The following DLGAP2 variants were observed in gnomAD, a reference collection of about 807,000 sequenced individuals.
DLGAP2 encodes DLG associated protein 2.
A neutral mutation model predicts 100.3 loss-of-function variants in DLGAP2; 26 were observed. That is an observed-to-expected ratio of 0.26 (90% CI 0.19 to 0.36). DLGAP2 has a LOEUF of 0.36. Among genes scored for constraint, DLGAP2 ranks in the 10% least tolerant of loss-of-function variants. The pLI, the probability that DLGAP2 is intolerant of heterozygous loss-of-function variation, is 1.00. For synonymous variants in DLGAP2, 886 were observed against 630.1 expected (o/e 1.41, Z -6.08); for missense variants, 1,858 against 1,453.2 (o/e 1.28, Z -4.53).
intron 4 of DLGAP2, among the ~76,000 whole-genome samples, chr8:1,516,751 CTGAG>C (rs1179692468): frequency 6.7e-6 from 1 of 150,336 alleles, no homozygotes; most frequent in Non-Finnish European, 1.5e-5. Flanking sequence ...GAGTGGGTGA[CTGAG>C]TGAAAGAGTA....
At chr8:997,308 T>C (rs1031109670) in intron 2 of DLGAP2, among the ~76,000 whole-genome samples, 3 of 152,228 alleles carry the variant, frequency 2.0e-5, no homozygotes, top group African/African-American at 7.2e-5. Flanking sequence ...AAATATTACA[T>C]TCAAAAATGC....
intron 4 of DLGAP2, among the ~76,000 whole-genome samples, chr8:1,513,744 G>T (rs570580084): frequency 2.6e-5 from 4 of 152,142 alleles, no homozygotes; most frequent in African/African-American, 9.7e-5. Flanking sequence ...TTATAGATGT[G>T]TAAGTTACAA....
chr8:1,456,209 C>T (rs75753342), intron 3 of DLGAP2, among the ~76,000 whole-genome samples: 2,716 of 152,246 alleles, frequency 0.018, 81 homozygotes, highest in African/African-American at 0.061. Context: ...GCAAACAGGA[C>T]GCCCTAGTCT....
intron 1 of DLGAP2, chr8:740,480 C>G (rs1000005990): frequency 4.6e-5 from 7 of 152,172 alleles, no homozygotes; most frequent in African/African-American, 1.7e-4. Context: ...GACATACATG[C>G]CCTTCTGTGG....
chr8:1,464,448 C>A (rs1798562607), intron 3 of DLGAP2, among the ~76,000 whole-genome samples: 2 of 149,132 alleles, frequency 1.3e-5, no homozygotes, highest in South Asian at 4.3e-4. Flanking sequence ...CAGCTGAGCT[C>A]CCAGGCAGTA....
intron 1 of DLGAP2, among the ~76,000 whole-genome samples, chr8:794,912 G>A (rs1795992868): frequency 6.6e-6 from 1 of 152,210 alleles, no homozygotes; most frequent in African/African-American, 2.4e-5. Flanking sequence ...GGTGGCGTGA[G>A]TGAGGTTGGG....
chr8:1,530,589 T>C (rs1800957155), intron 4 of DLGAP2, among the ~76,000 whole-genome samples: 1 of 152,164 alleles, frequency 6.6e-6, no homozygotes, highest in African/African-American at 2.4e-5. Flanking sequence ...ATCACAAGGG[T>C]ACTGAATGGG....
At chr8:1,381,448 T>G (rs761779300) in intron 3 of DLGAP2, 1 of 152,290 alleles carries the variant, frequency 6.6e-6, no homozygotes, top group Non-Finnish European at 1.5e-5. Context: ...TTGATGTCTG[T>G]GCACCTTGTG....
chr8:1,313,727 T>C (rs1800664972), intron 3 of DLGAP2, among the ~76,000 whole-genome samples: 1 of 152,132 alleles, frequency 6.6e-6, no homozygotes, highest in South Asian at 2.1e-4. Flanking sequence ...AGTCACAGAC[T>C]GGAAAAGGTC....
intron 3 of DLGAP2, among the ~76,000 whole-genome samples, chr8:1,483,073 G>T (rs1186976265): frequency 6.6e-6 from 1 of 152,128 alleles, no homozygotes; most frequent in Non-Finnish European, 1.5e-5. Flanking sequence ...CCGGAGAGGC[G>T]CAAGGGAGCC....
chr8:907,328 A>G (rs1445212573), intron 1 of DLGAP2, among the ~76,000 whole-genome samples: 2 of 152,148 alleles, frequency 1.3e-5, no homozygotes, highest in Non-Finnish European at 2.9e-5. Context: ...GTGCTTTGCA[A>G]TTTGTTTTAT....
At chr8:844,558 T>G (rs1430751745) in intron 1 of DLGAP2, among the ~76,000 whole-genome samples, 1 of 152,144 alleles carries the variant, frequency 6.6e-6, no homozygotes, top group African/African-American at 2.4e-5. Context: ...AAGGTAGTAC[T>G]GGTAGACTAC....
chr8:1,509,922 A>G (rs1800100263), intron 4 of DLGAP2, among the ~76,000 whole-genome samples: 1 of 152,182 alleles, frequency 6.6e-6, no homozygotes, highest in Non-Finnish European at 1.5e-5. Context: ...TCAGGAGTGC[A>G]GCTCTGGAGG....
At chr8:1,227,725 T>C (rs1018154981) in intron 2 of DLGAP2, among the ~76,000 whole-genome samples, 1 of 152,058 alleles carries the variant, frequency 6.6e-6, no homozygotes, top group Admixed American at 6.6e-5. Flanking sequence ...TATAAAGAGA[T>C]AAAACTAGTT....
intron 2 of DLGAP2, among the ~76,000 whole-genome samples, chr8:1,140,274 G>A (rs557430185): frequency 6.3e-4 from 96 of 152,262 alleles, no homozygotes; most frequent in South Asian, 1.2e-3. Flanking sequence ...GTGGGTGACA[G>A]CACCTCTGCT....
intron 2 of DLGAP2, among the ~76,000 whole-genome samples, chr8:999,911 C>T (rs552369700): frequency 1.3e-5 from 2 of 151,300 alleles, no homozygotes. Flanking sequence ...CTAGAGCAGA[C>T]AGATCCGGGT....
chr8:1,292,417 T>A (rs545839896), intron 3 of DLGAP2, among the ~76,000 whole-genome samples: 46 of 152,308 alleles, frequency 3.0e-4, no homozygotes, highest in Non-Finnish European at 5.6e-4. Context: ...AGTTGGAGGA[T>A]GGGACAGTGC....
chr8:1,288,033 AGT>A (rs1243709084), intron 3 of DLGAP2, among the ~76,000 whole-genome samples: 77,048 of 98,850 alleles, frequency 0.78, 29,933 homozygotes, highest in African/African-American at 0.89. Flanking sequence ...GTTTCGGTTG[AGT>A]GTGTGTGTGT....
intron 2 of DLGAP2, among the ~76,000 whole-genome samples, chr8:1,101,766 CGA>C (rs1368505079): frequency 1.2e-5 from 1 of 81,330 alleles, no homozygotes; most frequent in East Asian, 4.7e-4. Flanking sequence ...GAGCCGAACA[CGA>C]CACGACGATG....
Sources: allele counts gnomAD v4.1 joint callset (sites outside exome capture counted in the v4.1 genomes callset), GRCh38; gene constraint gnomAD v4.1.1; transcripts MANE v1.5; gene names NCBI Gene and HGNC (gene_info 2026-07-23, HGNC 2026-07-21).